TBCK: variants seen among roughly 807,000 people sequenced by gnomAD.
TBCK encodes TBC domain-containing protein kinase-like protein.
TBCK carries 99 observed loss-of-function variants against 113.4 expected under a neutral mutation model. That is an observed-to-expected ratio of 0.87 (90% CI 0.74 to 1.03). The LOEUF (loss-of-function observed/expected upper bound fraction) is 1.03. Ranked by LOEUF, TBCK falls within the 50% of genes least tolerant of loss-of-function variation. TBCK has a pLI of 0.00. For synonymous variants in TBCK, 369 were observed against 370.8 expected (o/e 1.00, Z 0.05); for missense variants, 1,045 against 1,061.3 (o/e 0.98, Z 0.21).
intron 5 of TBCK, among the ~76,000 whole-genome samples, chr4:106,257,798 A>T (rs1193758295): frequency 1.3e-5 from 2 of 152,048 alleles, no homozygotes; most frequent in Non-Finnish European, 2.9e-5. Flanking sequence ...TTCATCTGTA[A>T]AACTGGAATA....
intron 5 of TBCK, among the ~76,000 whole-genome samples, 159 bp downstream of exon 5, chr4:106,260,278 T>A (rs1236857552): frequency 2.0e-5 from 3 of 152,086 alleles, no homozygotes; most frequent in African/African-American, 7.2e-5. Flanking sequence ...ACTCATTGTC[T>A]ACTCATTTTA....
At chr4:106,307,604 T>G in intron 2 of TBCK, among the ~76,000 whole-genome samples, 1 of 152,144 alleles carries the variant, frequency 6.6e-6, no homozygotes, top group East Asian at 1.9e-4. Context: ...ACACATAAAA[T>G]TGCCACTTTT....
chr4:106,267,708 T>C (rs1056995865), intron 3 of TBCK, among the ~76,000 whole-genome samples: 1 of 152,030 alleles, frequency 6.6e-6, no homozygotes, highest in Non-Finnish European at 1.5e-5. Flanking sequence ...GTCAACTTGG[T>C]TGTATTTGGA....
intron 22 of TBCK, among the ~76,000 whole-genome samples, chr4:106,180,751 T>C (rs1752263617): frequency 6.6e-6 from 1 of 152,196 alleles, no homozygotes; most frequent in Admixed American, 6.5e-5. Flanking sequence ...ATGGTATATA[T>C]GTGCCACAAT....
chr4:106,054,383 A>G (rs1209152895), intron 25 of TBCK, among the ~76,000 whole-genome samples: 3 of 151,658 alleles, frequency 2.0e-5, no homozygotes, highest in Non-Finnish European at 4.4e-5. Context: ...TATGAGTCGG[A>G]TGATATAACA....
At chr4:106,289,626 A>G (rs113142685) in intron 3 of TBCK, among the ~76,000 whole-genome samples, 25,463 of 151,592 alleles carry the variant, frequency 0.17, 2,136 homozygotes, top group South Asian at 0.25. Context: ...AAAATTACCC[A>G]GGCATGGTGG....
At chr4:106,068,352 C>A (rs1320603103) in intron 25 of TBCK, among the ~76,000 whole-genome samples, 1 of 151,998 alleles carries the variant, frequency 6.6e-6, no homozygotes, top group African/African-American at 2.4e-5. Flanking sequence ...TGCCCTGTGT[C>A]CAAGTGTTCT....
At chr4:106,128,809 C>T (rs1241778998) in intron 23 of TBCK, among the ~76,000 whole-genome samples, 1 of 151,730 alleles carries the variant, frequency 6.6e-6, no homozygotes, top group Non-Finnish European at 1.5e-5. Flanking sequence ...ACAAAAATGC[C>T]AAGAAAATAT....
chr4:106,042,855 G>A lies in TBCK; in HGVS notation c.*3715C>T, dbSNP rs1419399647. On this transcript the variant is annotated 3_prime_UTR_variant, in exon 26 of 26. Coordinates refer to ENST00000394708, the MANE Select transcript of TBCK (RefSeq NM_001163435.3). ...CCACTGAACAACTCTGTCTGTAACA[G>A]ATTTTTCTTCCTTCATCAAGAATAA... is the stretch of plus-strand genomic sequence containing the variant. 2 of 152,176 alleles carry A rather than the reference G, an allele frequency of 1.3e-5. No homozygotes were observed. Among genetic ancestry groups the A allele is most frequent in the African/African-American group, 4.8e-5 (2 of 41,444 alleles). 9.4% of individuals were successfully genotyped at this position (152,176 alleles called of 1,614,324 possible).
At chr4:106,309,994 T>C (rs1049607201) in intron 1 of TBCK, 2 of 152,052 alleles carry the variant, frequency 1.3e-5, no homozygotes, top group Non-Finnish European at 2.9e-5. Flanking sequence ...TTGCTCCATA[T>C]CAATCTGAAT....
intron 23 of TBCK, among the ~76,000 whole-genome samples, chr4:106,122,360 A>C (rs1215421025): frequency 1.6e-4 from 24 of 151,934 alleles, no homozygotes; most frequent in African/African-American, 4.6e-4. Context: ...CAATAACAGG[A>C]GCTGAAATTG....
chr4:106,295,729 A>C (rs1206946053), intron 2 of TBCK, among the ~76,000 whole-genome samples: 2 of 152,176 alleles, frequency 1.3e-5, no homozygotes, highest in African/African-American at 4.8e-5. Context: ...ATCACCTATA[A>C]CTTTTGACTG....
At chr4:106,242,652 T>C in intron 11 of TBCK, 83 bp from the exon 12 acceptor site, 1 of 798,726 alleles carries the variant, frequency 1.3e-6, no homozygotes, top group South Asian at 2.0e-5. Context: ...TTCTAAGTCA[T>C]CAATCCCTTC....
At chr4:106,089,878 G>C (rs1740001517) in intron 25 of TBCK, among the ~76,000 whole-genome samples, 1 of 152,214 alleles carries the variant, frequency 6.6e-6, no homozygotes, top group African/African-American at 2.4e-5. Context: ...AGCCCTCATG[G>C]CTGCTGTCAC....
chr4:106,131,216 A>G lies in TBCK; in HGVS notation c.2236-14838T>C, dbSNP rs767604376. Reference sequence around the variant, plus strand: ...CTTTGCTCCTCATTTGCCTTCCACCATGACAGGCCTCCCGAGCCATGTGGA... The same window carrying G: ...CTTTGCTCCTCATTTGCCTTCCACCGTGACAGGCCTCCCGAGCCATGTGGA... On this transcript the variant is annotated intron_variant, in intron 23 of 25. Transcript: ENST00000394708. Among the ~76,000 whole-genome samples the G allele has an allele frequency of 5.4e-4, 82 of 152,228 alleles. 1 individual carries two copies. Among genetic ancestry groups the G allele is most frequent in the Non-Finnish European group, 2.6e-4 (18 of 68,042 alleles).
chr4:106,195,152 T>C (rs183141315), intron 20 of TBCK, among the ~76,000 whole-genome samples: 2 of 152,208 alleles, frequency 1.3e-5, no homozygotes, highest in East Asian at 1.9e-4. Context: ...AATTTATGAA[T>C]TGGTCTTTCC....
Position 106,145,937 on chromosome 4 carries a change from CTGTT to C in TBCK, c.2235+25154_2235+25157del, listed in dbSNP as rs1204285710. ...GTAGAGAAAAGGGAACACTTACACA[CTGTT>C]TGTGGGAGTAAAAATGAGTCCAACC... On this transcript the variant is annotated intron_variant, in intron 23 of 25. Transcript: ENST00000394708. Among the ~76,000 whole-genome samples the C allele has an allele frequency of 9.2e-5, 14 of 152,158 alleles. 1 individual carries two copies. Among genetic ancestry groups the C allele is most frequent in the Admixed American group, 9.2e-4 (14 of 15,270 alleles).
At chr4:106,232,793 T>C (rs111362520) in intron 17 of TBCK, 145 bp downstream of exon 17, 9 of 704,424 alleles carry the variant, frequency 1.3e-5, no homozygotes, top group African/African-American at 1.3e-4. Context: ...AATGTTTGGA[T>C]GTAAACCTCT....
chr4:106,256,488 C>A (rs988110807), intron 5 of TBCK, among the ~76,000 whole-genome samples: 2 of 152,296 alleles, frequency 1.3e-5, no homozygotes, highest in South Asian at 4.1e-4. Context: ...TGGGCTTGAC[C>A]CCAACATCGC....
Sources: allele counts gnomAD v4.1 joint callset (sites outside exome capture counted in the v4.1 genomes callset), GRCh38; gene constraint gnomAD v4.1.1; transcripts MANE v1.5; gene names NCBI Gene and HGNC (gene_info 2026-07-23, HGNC 2026-07-21).